CD24: variants seen among roughly 807,000 people sequenced by gnomAD.
CD24 encodes the protein CD24 molecule.
In CD24, 2 loss-of-function variants were observed where a neutral mutation model predicts 3.6. The ratio of observed to expected loss-of-function variants is 0.56; its 90% CI spans 0.23 to 1.77. The LOEUF (loss-of-function observed/expected upper bound fraction) is 1.77. CD24 is among the 40% of genes most tolerant of loss of function. The pLI, the probability that CD24 is intolerant of heterozygous loss-of-function variation, is 0.18. For synonymous variants in CD24, 33 were observed against 44.9 expected, an observed-to-expected ratio of 0.74 and a Z score of 1.06; for missense variants, 62 against 93.6, an observed-to-expected ratio of 0.66 and a Z score of 1.39.
At chr6:106,974,753 A>T (rs1582558794), upstream of CD24, 2 of 1,162,094 alleles carry the variant, frequency 1.7e-6, no homozygotes, top group East Asian at 6.3e-5. Flanking sequence ...AGCCGGCGAG[A>T]CCTTATATAC....
At chr6:106,974,835 C>CTCCCCGCCT, upstream of CD24, 1 of 406,308 alleles carries the variant, frequency 2.5e-6, no homozygotes, top group South Asian at 4.5e-5. Context: ...CGCCCGCCGC[C>CTCCCCGCCT]TCCCCGCCTT....
chr6:106,971,736 C>T lies in CD24; in HGVS notation c.168G>A (p.Lys56=). The T allele has an allele frequency of 3.2e-6, 5 of 1,549,800 alleles. No homozygotes were observed. Among genetic ancestry groups the T allele is most frequent in the Non-Finnish European group, 3.5e-6 (4 of 1,145,348 alleles). Reference sequence around the variant, plus strand: ...TTGACTGCAGGGCACCACCAGCCGCCTTGGTGGTGGCATTAGTTGGATTTG... The same window carrying T: ...TTGACTGCAGGGCACCACCAGCCGCTTTGGTGGTGGCATTAGTTGGATTTG... ...LAPNPTNATT[K]AAGGALQSTA... Residue 56 remains lysine, a synonymous_variant, in exon 2 of 2, where the codon AAG becomes AAA. Coordinates refer to ENST00000606017, the MANE Select transcript of CD24 (RefSeq NM_001359084.1).
chr6:106,972,308 T>C (rs1772993003), intron 1 of CD24, among the ~76,000 whole-genome samples: 1 of 152,218 alleles, frequency 6.6e-6, no homozygotes, highest in South Asian at 2.1e-4. Context: ...GCTAGGTAAC[T>C]TTCACATACT....
Position 106,971,687 on chromosome 6 carries a change from G to C in CD24, c.217C>G (p.Leu73Val). ...QSTASLFVVS[L>V]SLLHLYS ...TAAGAGTAGAGATGCAGAAGAGAGA[G>C]TGAGACCACGAAGAGACTGGCTGTT... Residue 73 changes from leucine (L) to valine (V), a missense_variant, in exon 2 of 2, where the codon CTC (leucine) becomes GTC (valine). Coordinates refer to ENST00000606017, the MANE Select transcript of CD24 (RefSeq NM_001359084.1). The C allele has an allele frequency of 6.5e-7, 1 of 1,547,340 alleles. No individual in the cohort carries two copies. The highest frequency in any genetic ancestry group is 1.2e-5 in the South Asian group (1 of 83,824).
At chr6:106,976,502 C>A (rs1773109770), upstream of CD24, among the ~76,000 whole-genome samples, 1 of 152,138 alleles carries the variant, frequency 6.6e-6, no homozygotes, top group Non-Finnish European at 1.5e-5. Context: ...ACAAGAATTT[C>A]TGTCGAGCAC....
upstream of CD24, among the ~76,000 whole-genome samples, chr6:106,976,047 G>T (rs943538812): frequency 6.6e-6 from 1 of 152,194 alleles, no homozygotes; most frequent in African/African-American, 2.4e-5. Context: ...TTTACTGGTG[G>T]AGTATTTTGA....
chr6:106,972,960 C>A (rs1286007871), intron 1 of CD24, among the ~76,000 whole-genome samples: 6 of 152,090 alleles, frequency 3.9e-5, no homozygotes, highest in African/African-American at 1.2e-4. Flanking sequence ...GTGACAACAA[C>A]AAAAAAATCT....
In CD24 at chr6:106,970,471, A is replaced by G. The variant is rs1259453654; in HGVS notation, c.*1190T>C. On this transcript the variant is annotated 3_prime_UTR_variant, in exon 2 of 2. Coordinates refer to ENST00000606017, the MANE Select transcript of CD24 (RefSeq NM_001359084.1). The stretch of plus-strand genomic sequence containing the variant: ...ATTTGCAATTTTGCCTTCAAAACAG[A>G]TCATTTTTTTAAATTGTAAAAAGTA... 1.3e-5 allele frequency: 2 copies of G among 152,638 alleles called. No individual in the cohort carries two copies. The highest frequency in any genetic ancestry group is 4.8e-5 in the African/African-American group (2 of 41,456). 9.5% of individuals were successfully genotyped at this position (152,638 alleles called of 1,614,324 possible). A position where few individuals can be genotyped will look rare whatever the true frequency, so the allele number is the denominator to read the frequency against.
At chr6:106,974,143 AGAGCGCGGG>A in intron 1 of CD24, 1 of 389,138 alleles carries the variant, frequency 2.6e-6, no homozygotes, top group Non-Finnish European at 4.5e-6. Flanking sequence ...CTCTTTGTGT[AGAGCGCGGG>A]GAGCGCGAAG....
At chr6:106,974,750 G>C (rs1193036601), upstream of CD24, 3 of 1,236,576 alleles carry the variant, frequency 2.4e-6, no homozygotes, top group East Asian at 9.2e-5. Context: ...GCGAGCCGGC[G>C]AGACCTTATA....
upstream of CD24, among the ~76,000 whole-genome samples, chr6:106,975,831 T>G (rs1309184779): frequency 6.6e-6 from 1 of 152,230 alleles, no homozygotes. Context: ...GGGATACACT[T>G]TTTCGGTCTC....
upstream of CD24, among the ~76,000 whole-genome samples, chr6:106,976,680 G>C (rs914715025): frequency 4.1e-4 from 62 of 152,116 alleles, 1 homozygote; most frequent in African/African-American, 1.4e-3. Flanking sequence ...CTAAAATCTA[G>C]TCTCTACTAA....
chr6:106,971,669 A>G lies in CD24; in HGVS notation c.235T>C (p.Tyr79His). The change falls in exon 2 of 2, where the codon TAC (tyrosine) becomes CAC (histidine). Residue 79 changes from tyrosine (Y) to histidine (H), a missense_variant. By Grantham distance (83) the Tyr-to-His change is moderately conservative. Transcript: ENST00000606017. ...FVVSLSLLHLYS is the reference protein window; with the variant it reads ...FVVSLSLLHLHS ...TTCTTGGCCTGAGTCTCTTAAGAGT[A>G]GAGATGCAGAAGAGAGAGTGAGACC... 6.5e-7 allele frequency: 1 copy of G among 1,547,348 alleles called. No individual in the cohort carries two copies. The highest frequency in any genetic ancestry group is 1.2e-5 in the South Asian group (1 of 83,794).
chr6:106,976,759 T>C (rs36175752), upstream of CD24, among the ~76,000 whole-genome samples: 9,391 of 151,984 alleles, frequency 0.062, 359 homozygotes, highest in East Asian at 0.13. Context: ...CCCAGCTACT[T>C]GGGAGGCTGA....
At position 106,973,714 on chromosome 6, in the gene CD24, C is replaced by T. The variant is rs1394250193; in HGVS notation, c.69+864G>A. ...GCTAGGGTCTCCCAGGCCCAGCCCC[C>T]GGTCTCTCTCGCCGGCGCGGTGCAT... On this transcript the variant is annotated intron_variant, in intron 1 of 1. Coordinates refer to ENST00000606017, the MANE Select transcript of CD24 (RefSeq NM_001359084.1). 12 of 398,600 alleles carry T rather than the reference C, an allele frequency of 3.0e-5. No individual in the cohort carries two copies. In the East Asian group the frequency reaches 4.3e-4, roughly 14 times the overall value. The allele number at this position is 398,600 out of a possible 1,614,324, so 24.7% of individuals were successfully genotyped here.
intron 1 of CD24, chr6:106,973,479 G>A (rs1300187081): frequency 5.1e-6 from 2 of 395,572 alleles, no homozygotes; most frequent in Non-Finnish European, 8.9e-6. Context: ...CGCCAGCGGT[G>A]GGGAAGCGCG....
In CD24 at chr6:106,969,983, TTC is replaced by T. The variant is rs1405589330; in HGVS notation, c.*1676_*1677del. On this transcript the variant is annotated 3_prime_UTR_variant, in exon 2 of 2. Transcript: ENST00000606017. ...TTCTGGAATAAAGCAAGAGTGTTCA[TTC>T]ACACACACAGTAGCTTCAAAACTGT... The T allele has an allele frequency of 6.6e-6, 1 of 152,630 alleles. No individual in the cohort carries two copies. Among genetic ancestry groups the T allele is most frequent in the Non-Finnish European group, 1.5e-5 (1 of 68,044 alleles). The allele number at this position is 152,630 out of a possible 1,614,324, so 9.5% of individuals were successfully genotyped here. A position where few individuals can be genotyped will look rare whatever the true frequency, so the allele number is the denominator to read the frequency against.
Position 106,971,838 on chromosome 6 carries a change from A to G in CD24, c.70-4T>C. The G allele has an allele frequency of 1.3e-6, 2 of 1,528,962 alleles. No individual in the cohort carries two copies. Among genetic ancestry groups the G allele is most frequent in the Non-Finnish European group, 1.8e-6 (2 of 1,127,560 alleles). The allele number at this position is 1,528,962 out of a possible 1,614,324, so 94.7% of individuals were successfully genotyped here. ...TTGTTGTTTCACTGGAATAAATCTA[A>G]AATACATAAAAAGTTACATGGATAC... On this transcript the variant is annotated splice_region_variant and splice_polypyrimidine_tract_variant and intron_variant, in intron 1 of 1. Coordinates refer to ENST00000606017, the MANE Select transcript of CD24 (RefSeq NM_001359084.1).
At chr6:106,975,971 G>A (rs1773102878), upstream of CD24, among the ~76,000 whole-genome samples, 1 of 151,610 alleles carries the variant, frequency 6.6e-6, no homozygotes, top group African/African-American at 2.4e-5. Flanking sequence ...AGATTTTGGT[G>A]GAATACTTTT....
Sources: allele counts gnomAD v4.1 joint callset (sites outside exome capture counted in the v4.1 genomes callset), GRCh38; gene constraint gnomAD v4.1.1; transcripts MANE v1.5; gene names NCBI Gene and HGNC (gene_info 2026-07-23, HGNC 2026-07-21).